DPH6: variants seen among roughly 807,000 people sequenced by gnomAD.
DPH6 encodes diphthine--ammonia ligase.
A neutral mutation model predicts 38.2 loss-of-function variants in DPH6; 33 were observed. The ratio of observed to expected loss-of-function variants is 0.86; its 90% CI spans 0.65 to 1.15. DPH6 has a LOEUF of 1.15. Among genes scored for constraint, DPH6 ranks in the 50% most tolerant of loss-of-function variants. DPH6 has a pLI of 0.00. For synonymous variants in DPH6, 108 were observed against 103.0 expected (o/e 1.05, Z -0.30); for missense variants, 325 against 320.0 (o/e 1.02, Z -0.12).
chr15:35,233,785 C>T (rs2140394605), intron 3 of DPH6, among the ~76,000 whole-genome samples: 1 of 152,308 alleles, frequency 6.6e-6, no homozygotes, highest in Middle Eastern at 3.4e-3. Flanking sequence ...CCTCTATTCT[C>T]TAATGTACTG....
At chr15:35,406,374 T>G (rs909726227) in intron 6 of DPH6, among the ~76,000 whole-genome samples, 5 of 152,018 alleles carry the variant, frequency 3.3e-5, no homozygotes, top group African/African-American at 1.2e-4. Flanking sequence ...GCAGTTTAAA[T>G]TTTATTTTGA....
chr15:35,374,962 A>G (rs1254035797), intron 7 of DPH6, among the ~76,000 whole-genome samples: 1 of 152,056 alleles, frequency 6.6e-6, no homozygotes, highest in Non-Finnish European at 1.5e-5. Flanking sequence ...TGGCTCTTTA[A>G]TCAAACCTCA....
intron 3 of DPH6, among the ~76,000 whole-genome samples, chr15:35,311,148 C>T (rs1240986484): frequency 1.3e-5 from 2 of 151,128 alleles, no homozygotes; most frequent in Non-Finnish European, 2.9e-5. Flanking sequence ...TATTATTGAG[C>T]GGAGAATTCA....
At chr15:35,507,221 AAAAAG>A (rs2054706361) in intron 3 of DPH6, among the ~76,000 whole-genome samples, 1 of 152,106 alleles carries the variant, frequency 6.6e-6, no homozygotes, top group Non-Finnish European at 1.5e-5. Context: ...GCTAAACTGA[AAAAAG>A]AAAACACACA....
intron 3 of DPH6, among the ~76,000 whole-genome samples, chr15:35,350,433 A>C (rs1201091079): frequency 6.7e-6 from 1 of 150,066 alleles, no homozygotes; most frequent in Admixed American, 6.6e-5. Flanking sequence ...CTGCTTCATT[A>C]CTTTCTGCTC....
At chr15:35,529,594 C>T (rs1417697733) in intron 3 of DPH6, among the ~76,000 whole-genome samples, 6 of 152,160 alleles carry the variant, frequency 3.9e-5, no homozygotes, top group Non-Finnish European at 8.8e-5. Flanking sequence ...GTTGCATGCT[C>T]TAATGGCAAC....
intron 3 of DPH6, among the ~76,000 whole-genome samples, chr15:35,227,317 G>A (rs2051489260): frequency 6.6e-6 from 1 of 150,802 alleles, no homozygotes; most frequent in African/African-American, 2.4e-5. Context: ...CCCAGTAGCT[G>A]GGACTACAGG....
At chr15:35,174,744 T>G in the DPH6 span, among the ~76,000 whole-genome samples, 1 of 152,200 alleles carries the variant, frequency 6.6e-6, no homozygotes, top group Non-Finnish European at 1.5e-5. Context: ...CACAGTAATA[T>G]TCTGGTATTC....
chr15:35,439,216 G>T (rs1204528621), intron 5 of DPH6, among the ~76,000 whole-genome samples: 1 of 152,186 alleles, frequency 6.6e-6, no homozygotes, highest in Non-Finnish European at 1.5e-5. Flanking sequence ...ACGAGTTAAT[G>T]GAATGGACCG....
chr15:35,527,773 G>A (rs752398350), intron 3 of DPH6, among the ~76,000 whole-genome samples: 14 of 152,132 alleles, frequency 9.2e-5, no homozygotes, highest in Non-Finnish European at 1.6e-4. Flanking sequence ...TTACATGTAG[G>A]AGAATCTGAG....
chr15:35,298,737 C>T lies in DPH6; in HGVS notation n.200+74784G>A, dbSNP rs1221984503. 7 of 1,568,782 alleles carry T rather than the reference C, an allele frequency of 4.5e-6. No individual in the cohort carries two copies. In the East Asian group the frequency reaches 1.6e-4, roughly 35 times the overall value. Reference sequence around the variant, plus strand: ...CCGTACTTCTGTATGATCTTGTGCGCCACCGTGCCCCCCAAGTTAGCGAGG... The same window carrying T: ...CCGTACTTCTGTATGATCTTGTGCGTCACCGTGCCCCCCAAGTTAGCGAGG... On this transcript the variant is annotated intron_variant and non_coding_transcript_variant, in intron 3 of 3. Coordinates refer to the DPH6 transcript ENST00000560386.
At chr15:35,231,130 G>A (rs1474334974) in intron 3 of DPH6, among the ~76,000 whole-genome samples, 2 of 152,206 alleles carry the variant, frequency 1.3e-5, no homozygotes, top group African/African-American at 2.4e-5. Context: ...AGTTTATTTG[G>A]AGCCCCAGAG....
At chr15:35,213,481 C>T (rs1466311485), downstream of DPH6, among the ~76,000 whole-genome samples, 1 of 152,178 alleles carries the variant, frequency 6.6e-6, no homozygotes, top group African/African-American at 2.4e-5. Flanking sequence ...ACATATTAAT[C>T]TTTCCCCCAC....
downstream of DPH6, among the ~76,000 whole-genome samples, chr15:35,366,228 TTGTGTG>T (rs10525441): frequency 1.0e-3 from 147 of 144,346 alleles, no homozygotes; most frequent in Non-Finnish European, 1.5e-3. Context: ...TTTAGTCATC[TTGTGTG>T]TGTGTGTGTG....
intron 5 of DPH6, among the ~76,000 whole-genome samples, chr15:35,439,724 G>C (rs559007686): frequency 4.7e-4 from 72 of 151,698 alleles, no homozygotes; most frequent in Non-Finnish European, 9.4e-4. Flanking sequence ...GAAGAGAGGA[G>C]TTCACCCAAC....
chr15:35,401,975 T>A (rs1185609395), intron 6 of DPH6, among the ~76,000 whole-genome samples: 1 of 152,312 alleles, frequency 6.6e-6, no homozygotes, highest in Non-Finnish European at 1.5e-5. Flanking sequence ...TAACAGGTCA[T>A]TTTAGTTTCT....
chr15:35,474,273 A>T (rs569279974), intron 3 of DPH6, among the ~76,000 whole-genome samples: 1 of 152,296 alleles, frequency 6.6e-6, no homozygotes, highest in East Asian at 1.9e-4. Context: ...AATTCTAATT[A>T]GCTCTGATCT....
chr15:35,240,645 C>A (rs1228619476), intron 3 of DPH6, among the ~76,000 whole-genome samples: 2 of 143,698 alleles, frequency 1.4e-5, no homozygotes, highest in African/African-American at 5.0e-5. Flanking sequence ...GGTTAATGCT[C>A]ATTTTTCTTT....
At chr15:35,306,198 T>C (rs2052089416) in intron 3 of DPH6, among the ~76,000 whole-genome samples, 1 of 152,234 alleles carries the variant, frequency 6.6e-6, no homozygotes, top group African/African-American at 2.4e-5. Flanking sequence ...ACTTCATGCA[T>C]GTTTTTCTTG....
Sources: gnomAD v4.1 joint callset for allele counts (sites outside exome capture counted in the v4.1 genomes callset) on GRCh38, gnomAD v4.1.1 for gene constraint, MANE v1.5 for transcripts, NCBI Gene and HGNC (gene_info 2026-07-23, HGNC 2026-07-21) for gene names.